PCDHGB6: variants seen among roughly 807,000 people sequenced by gnomAD.
PCDHGB6 encodes the protein protocadherin gamma-B6.
A neutral mutation model predicts 59.1 loss-of-function variants in PCDHGB6; 51 were observed. The ratio of observed to expected loss-of-function variants is 0.86; its 90% CI spans 0.69 to 1.09. The LOEUF (loss-of-function observed/expected upper bound fraction) is 1.09, where lower values mean the gene tolerates loss of function less well. Among genes scored for constraint, PCDHGB6 ranks in the 50% least tolerant of loss-of-function variants. PCDHGB6 has a pLI of 0.00. For synonymous variants in PCDHGB6, 466 were observed against 495.1 expected (o/e 0.94, Z 0.78); for missense variants, 1,148 against 1,205.1 (o/e 0.95, Z 0.70).
intron 1 of PCDHGB6, among the ~76,000 whole-genome samples, chr5:141,473,431 G>T (rs541546681): frequency 3.3e-5 from 5 of 152,148 alleles, no homozygotes; most frequent in Non-Finnish European, 7.3e-5. Flanking sequence ...CAGATACTTT[G>T]CTTATGCAAA....
intron 3 of PCDHGB6, among the ~76,000 whole-genome samples, chr5:141,505,995 C>T (rs1041284805): frequency 5.3e-5 from 8 of 152,142 alleles, no homozygotes; most frequent in African/African-American, 1.4e-4. Flanking sequence ...CCTCTTTATG[C>T]GAGGCTCCTC....
chr5:141,432,649 A>C lies in PCDHGB6; in HGVS notation c.2418+22029A>C, dbSNP rs769351399. The C allele has an allele frequency of 5.6e-6, 9 of 1,613,742 alleles. No individual in the cohort carries two copies. The highest frequency in any genetic ancestry group is 6.8e-6 in the Non-Finnish European group (8 of 1,179,918). ...ACACGGGCGAGGTGCGCACGGCGCG[A>C]GCCCTGCTGGACAGAGACGCGCTCA... is the stretch of plus-strand genomic sequence containing the variant. On this transcript the variant is annotated intron_variant, in intron 1 of 3. Transcript: ENST00000520790. This position sits in a 1 kb window ranked among gnomAD's most constrained non-coding sequence, Gnocchi z 6.0.
At chr5:141,419,796 T>A in intron 1 of PCDHGB6, 1 of 1,614,026 alleles carries the variant, frequency 6.2e-7, no homozygotes. Flanking sequence ...CTAGTCGCTG[T>A]AAGAGATGGA....
intron 1 of PCDHGB6, chr5:141,421,090 G>C (rs552694052): frequency 1.5e-6 from 1 of 661,192 alleles, no homozygotes; most frequent in Admixed American, 3.2e-5. Context: ...CACAGATCCT[G>C]ACACTGGAGA....
At chr5:141,483,801 C>CT (rs1486591615) in intron 1 of PCDHGB6, among the ~76,000 whole-genome samples, 8 of 152,168 alleles carry the variant, frequency 5.3e-5, no homozygotes, top group Non-Finnish European at 8.8e-5. Flanking sequence ...GTTGTTGCTG[C>CT]TTTTTTTGGC....
intron 1 of PCDHGB6, among the ~76,000 whole-genome samples, chr5:141,444,372 T>C (rs967151811): frequency 6.6e-6 from 1 of 151,998 alleles, no homozygotes. Context: ...GGTTTCTCCA[T>C]GTTGGTCAGG....
intron 1 of PCDHGB6, among the ~76,000 whole-genome samples, chr5:141,458,758 G>T (rs1473104567): frequency 1.3e-5 from 2 of 150,844 alleles, no homozygotes; most frequent in Non-Finnish European, 3.0e-5. Context: ...TTTGAGACAG[G>T]GTCTTGCTGT....
intron 3 of PCDHGB6, chr5:141,507,424 G>C (rs577364087): frequency 6.6e-6 from 1 of 152,202 alleles, no homozygotes; most frequent in African/African-American, 2.4e-5. Context: ...GGTTAAGTGG[G>C]GCCAGGCCTA....
chr5:141,415,484 G>C (rs369349538), intron 1 of PCDHGB6: 18 of 1,614,102 alleles, frequency 1.1e-5, no homozygotes, highest in Non-Finnish European at 1.5e-5. Flanking sequence ...TCGCGAAAGA[G>C]TCACCTGATC....
In PCDHGB6 at chr5:141,432,126, C is replaced by G. The variant is rs750150518; in HGVS notation, c.2418+21506C>G. 12 of 1,614,026 alleles carry G rather than the reference C, an allele frequency of 7.4e-6. No homozygotes were observed. Among genetic ancestry groups the G allele is most frequent in the South Asian group, 4.4e-5 (4 of 91,062 alleles). On this transcript the variant is annotated intron_variant, in intron 1 of 3. Transcript: ENST00000520790. The surrounding 1 kb of genome is among the most constrained non-coding windows in gnomAD (Gnocchi z 6.0). ...AACCCGCCGGTCTTCCCTCAGGCCT[C>G]CTATTCCGCTTATATCCCAGAGAAC...
Position 141,424,835 on chromosome 5 carries a change from T to C in PCDHGB6, c.2418+14215T>C, listed in dbSNP as rs999861185. Among the ~76,000 whole-genome samples, 20 of 152,310 alleles carry C rather than the reference T, an allele frequency of 1.3e-4. No individual in the cohort carries two copies. The South Asian group carries it at 3.5e-3, about 27-fold the overall frequency. On this transcript the variant is annotated intron_variant, in intron 1 of 3. Coordinates refer to ENST00000520790, the MANE Select transcript of PCDHGB6 (RefSeq NM_018926.3). ...AAGCTTGATAGTTGCCTGACATACA[T>C]GTTATCTGAAGCAATGTCTAGGAAA... is the stretch of plus-strand genomic sequence containing the variant.
chr5:141,414,289 C>T (rs1435700383), intron 1 of PCDHGB6: 1 of 1,613,394 alleles, frequency 6.2e-7, no homozygotes, highest in African/African-American at 1.3e-5. Flanking sequence ...AGTCGTAGCC[C>T]TTTTAAATGT....
At position 141,511,237 on chromosome 5, in the gene PCDHGB6, TG is replaced by T; in HGVS notation, c.*65del. 1 of 1,590,378 alleles carries T rather than the reference TG, an allele frequency of 6.3e-7. No individual in the cohort carries two copies. Among genetic ancestry groups the T allele is most frequent in the Non-Finnish European group, 8.6e-7 (1 of 1,168,304 alleles). On this transcript the variant is annotated 3_prime_UTR_variant, in exon 4 of 4. Transcript: ENST00000520790. ...CCAACCAGCCCAGCTTCTCCTTACC[TG>T]CACCCAGGCCTCAGAGTTTCAGGGC...
chr5:141,438,471 A>C (rs1019238906), intron 1 of PCDHGB6, among the ~76,000 whole-genome samples: 4 of 151,396 alleles, frequency 2.6e-5, no homozygotes, highest in Admixed American at 2.6e-4. Flanking sequence ...CAATTATTGG[A>C]AAGTGGTCTC....
chr5:141,463,532 T>C (rs1237301892), intron 1 of PCDHGB6, among the ~76,000 whole-genome samples: 2 of 133,692 alleles, frequency 1.5e-5, no homozygotes, highest in Non-Finnish European at 3.1e-5. Flanking sequence ...TACTAGAAAC[T>C]CCGGCTCCCG....
chr5:141,500,520 T>A (rs2099801106), intron 2 of PCDHGB6, among the ~76,000 whole-genome samples: 1 of 152,194 alleles, frequency 6.6e-6, no homozygotes, highest in South Asian at 2.1e-4. Context: ...AGCTTCATTT[T>A]AAAAAAATCT....
chr5:141,469,395 T>G lies in PCDHGB6; in HGVS notation c.2419-25412T>G, dbSNP rs1332746609. ...ATCGAGACCATCCTGGCCAACATGG[T>G]GAAACCCCGTTTCTACTAAAAATAT... On this transcript the variant is annotated intron_variant, in intron 1 of 3. Transcript: ENST00000520790. Among the ~76,000 whole-genome samples, 6 of 152,194 alleles carry G rather than the reference T, an allele frequency of 3.9e-5. No homozygotes were observed. The East Asian group carries it at 1.2e-3, about 29-fold the overall frequency.
chr5:141,413,351 C>A (rs774333807), intron 1 of PCDHGB6: 6 of 1,613,932 alleles, frequency 3.7e-6, no homozygotes, highest in South Asian at 1.1e-5. Flanking sequence ...TTGGGTCTGG[C>A]GCCCCGGGAG....
At chr5:141,478,620 G>A (rs1400703951) in intron 1 of PCDHGB6, 2 of 1,555,472 alleles carry the variant, frequency 1.3e-6, no homozygotes, top group East Asian at 2.4e-5. Context: ...AAGGAATGGA[G>A]CTGTTTTTTT....
Sources: gnomAD v4.1 joint callset for allele counts (sites outside exome capture counted in the v4.1 genomes callset) on GRCh38, gnomAD v4.1.1 for gene constraint, Gnocchi (gnomAD v3.1) non-coding constraint, MANE v1.5 for transcripts, NCBI Gene and HGNC (gene_info 2026-07-23, HGNC 2026-07-21) for gene names.